The following HYCC1 variants were observed in gnomAD, a reference collection of about 807,000 sequenced individuals.
HYCC1 encodes hyccin PI4KA lipid kinase complex subunit 1, also known as hyccin.
the HYCC1 span, among the ~76,000 whole-genome samples, chr7:23,006,344 G>A: frequency 6.6e-6 from 1 of 151,862 alleles, no homozygotes; most frequent in Non-Finnish European, 1.5e-5. Flanking sequence ...TTGGCTCACT[G>A]CAAGCTCTGC....
At chr7:22,923,019 C>T in the HYCC1 span, among the ~76,000 whole-genome samples, 9 of 152,216 alleles carry the variant, frequency 5.9e-5, no homozygotes, top group South Asian at 1.9e-3. Context: ...TGCAGAAGAT[C>T]AACAAGAAAA....
the HYCC1 span, among the ~76,000 whole-genome samples, chr7:22,972,963 A>T: frequency 3.3e-5 from 5 of 152,332 alleles, no homozygotes; most frequent in African/African-American, 9.6e-5. Flanking sequence ...ACTGTAACAC[A>T]TTTGTCACTG....
At chr7:23,011,324 C>T in the HYCC1 span, among the ~76,000 whole-genome samples, 8 of 152,190 alleles carry the variant, frequency 5.3e-5, no homozygotes, top group African/African-American at 1.9e-4. Flanking sequence ...TTCACATCCA[C>T]AGATACAAAC....
At chr7:23,002,883 A>G in the HYCC1 span, among the ~76,000 whole-genome samples, 1 of 152,120 alleles carries the variant, frequency 6.6e-6, no homozygotes, top group Non-Finnish European at 1.5e-5. Flanking sequence ...GTTCCTTTTT[A>G]GAGCTCTGAG....
chr7:22,977,289 G>T, the HYCC1 span: 1 of 1,097,546 alleles, frequency 9.1e-7, no homozygotes, highest in Non-Finnish European at 1.4e-6. Context: ...ATAACTTGTG[G>T]CAATATCAAA....
chr7:22,897,950 TATC>T, the HYCC1 span, among the ~76,000 whole-genome samples: 1 of 152,062 alleles, frequency 6.6e-6, no homozygotes, highest in East Asian at 1.9e-4. Flanking sequence ...TTCTTATTGC[TATC>T]ATCATGATTA....
chr7:23,007,003 C>T, the HYCC1 span, among the ~76,000 whole-genome samples: 3 of 152,218 alleles, frequency 2.0e-5, no homozygotes, highest in South Asian at 2.1e-4. Flanking sequence ...GAACACTCAA[C>T]GAATTAAAAT....
chr7:22,968,507 T>C, the HYCC1 span, among the ~76,000 whole-genome samples: 3 of 152,214 alleles, frequency 2.0e-5, no homozygotes, highest in Non-Finnish European at 4.4e-5. Flanking sequence ...ATATCTACTT[T>C]AAGTTATCAT....
chr7:22,905,386 ATTT>A, the HYCC1 span, among the ~76,000 whole-genome samples: 10 of 44,470 alleles, frequency 2.2e-4, no homozygotes, highest in South Asian at 8.5e-4. Context: ...CTAATTTTGT[ATTT>A]TTTTTTTTTT....
the HYCC1 span, among the ~76,000 whole-genome samples, chr7:22,954,969 G>C: frequency 6.6e-6 from 1 of 151,426 alleles, no homozygotes; most frequent in African/African-American, 2.4e-5. Flanking sequence ...CATAAATTTT[G>C]TCTATGTAAT....
chr7:22,963,633 T>C, the HYCC1 span, among the ~76,000 whole-genome samples: 1 of 152,212 alleles, frequency 6.6e-6, no homozygotes, highest in Non-Finnish European at 1.5e-5. Context: ...ATAAGTATTT[T>C]AGGCTTGTGG....
At chr7:22,913,908 T>A in the HYCC1 span, among the ~76,000 whole-genome samples, 16 of 152,174 alleles carry the variant, frequency 1.1e-4, no homozygotes, top group Non-Finnish European at 2.4e-4. Context: ...CATGAGGAGA[T>A]CCACCTATGA....
chr7:22,909,445 C>A, the HYCC1 span, among the ~76,000 whole-genome samples: 1 of 152,136 alleles, frequency 6.6e-6, no homozygotes, highest in Non-Finnish European at 1.5e-5. Context: ...TTATTAATTA[C>A]CCAGTCTCAA....
chr7:22,958,807 T>C, the HYCC1 span, among the ~76,000 whole-genome samples: 1 of 152,158 alleles, frequency 6.6e-6, no homozygotes, highest in African/African-American at 2.4e-5. Context: ...CTGCAGGACC[T>C]ACATTTCTCT....
the HYCC1 span, among the ~76,000 whole-genome samples, chr7:22,899,064 C>T: frequency 1.3e-5 from 2 of 152,190 alleles, no homozygotes; most frequent in Non-Finnish European, 2.9e-5. Context: ...CTTAGAGAGG[C>T]AGCGTGGTAG....
the HYCC1 span, among the ~76,000 whole-genome samples, chr7:23,002,202 A>G: frequency 2.0e-5 from 3 of 146,514 alleles, no homozygotes; most frequent in African/African-American, 7.5e-5. Context: ...TACAGCATGT[A>G]ATGAAAAATG....
the HYCC1 span, among the ~76,000 whole-genome samples, chr7:22,992,713 C>A: frequency 6.6e-6 from 1 of 152,002 alleles, no homozygotes; most frequent in Non-Finnish European, 1.5e-5. Flanking sequence ...TATAAATGCA[C>A]AAAAGTTTTC....
At chr7:22,927,151 C>T in the HYCC1 span, among the ~76,000 whole-genome samples, 13 of 152,122 alleles carry the variant, frequency 8.5e-5, no homozygotes, top group Non-Finnish European at 1.3e-4. Context: ...AAAGATACAA[C>T]ATACCAGAAT....
the HYCC1 span, among the ~76,000 whole-genome samples, chr7:22,949,115 A>T: frequency 6.6e-6 from 1 of 152,118 alleles, no homozygotes; most frequent in Non-Finnish European, 1.5e-5. Flanking sequence ...GAATATTAAA[A>T]TTTAATAAAA....
Sources: gnomAD v4.1 joint callset for allele counts (sites outside exome capture counted in the v4.1 genomes callset) on GRCh38, gnomAD v4.1.1 for gene constraint, MANE v1.5 for transcripts, NCBI Gene and HGNC (gene_info 2026-07-23, HGNC 2026-07-21) for gene names.